Variants in TCF3 observed in about 807,000 individuals in gnomAD.
TCF3 encodes transcription factor E2-alpha.
TCF3 carries 54 observed loss-of-function variants against 72.3 expected under a neutral mutation model. The ratio of observed to expected loss-of-function variants is 0.75; its 90% CI spans 0.60 to 0.94. TCF3 has a LOEUF of 0.94. Among genes scored for constraint, TCF3 ranks in the 40% least tolerant of loss-of-function variants. The pLI is 0.00. For missense variants in TCF3, 1,078 were observed against 934.4 expected, an observed-to-expected ratio of 1.15 and a Z score of -2.00; for synonymous variants, 525 against 412.6, an observed-to-expected ratio of 1.27 and a Z score of -3.30.
intron 3 of TCF3, among the ~76,000 whole-genome samples, chr19:1,642,384 C>A (rs1046238182): frequency 6.6e-6 from 1 of 152,200 alleles, no homozygotes; most frequent in Non-Finnish European, 1.5e-5. Context: ...GCACCAATGT[C>A]GGCTTCCTAG....
chr19:1,638,474 G>A (rs1039919522), intron 3 of TCF3, among the ~76,000 whole-genome samples: 4 of 152,186 alleles, frequency 2.6e-5, no homozygotes, highest in East Asian at 3.9e-4. Flanking sequence ...TAACAGATAC[G>A]GCATTTCACC....
At chr19:1,638,524 C>G (rs1024783552) in intron 3 of TCF3, among the ~76,000 whole-genome samples, 3 of 152,164 alleles carry the variant, frequency 2.0e-5, no homozygotes, top group Non-Finnish European at 4.4e-5. Context: ...ACCTCATGAT[C>G]CGCTGGCCTC....
intron 8 of TCF3, 108 bp from the exon 9 acceptor site, chr19:1,622,523 G>A (rs553982296): frequency 1.1e-4 from 65 of 604,238 alleles, no homozygotes; most frequent in East Asian, 1.0e-3. Context: ...CTACCACCCC[G>A]TTTCCCTTCC....
intron 3 of TCF3, among the ~76,000 whole-genome samples, chr19:1,643,601 G>A (rs373656059): frequency 2.0e-5 from 3 of 151,616 alleles, no homozygotes; most frequent in African/African-American, 7.3e-5. Flanking sequence ...CTGCAGCCTT[G>A]ACCTCCTGGC....
At chr19:1,642,590 A>G (rs1190042091) in intron 3 of TCF3, among the ~76,000 whole-genome samples, 1 of 152,198 alleles carries the variant, frequency 6.6e-6, no homozygotes, top group Non-Finnish European at 1.5e-5. Flanking sequence ...TTCCGAGAAG[A>G]CCACCGCCCT....
intron 3 of TCF3, among the ~76,000 whole-genome samples, chr19:1,644,465 G>A (rs2065784309): frequency 6.6e-6 from 1 of 152,136 alleles, no homozygotes; most frequent in Admixed American, 6.5e-5. Context: ...CGTCCCTCAA[G>A]GGCAAAAAAT....
intron 16 of TCF3, among the ~76,000 whole-genome samples, chr19:1,616,893 C>T (rs1291784947): frequency 6.6e-6 from 1 of 150,802 alleles, no homozygotes; most frequent in African/African-American, 2.5e-5. Flanking sequence ...AAGACACCCA[C>T]CACAGATGTA....
rs190585553 is a variant in TCF3 at position 1,626,182 on chromosome 19, G to A, written c.367-474C>T. 3.3e-4 allele frequency among the ~76,000 whole-genome samples: 50 copies of A among 152,310 alleles called. 1 individual carries two copies. In the East Asian group the frequency reaches 6.4e-3, roughly 19 times the overall value. ...CATCCGTTCTAAGGCCGGGCACGGT[G>A]GCTCACACCTATTATCCCAGTACTT... is the stretch of plus-strand genomic sequence containing the variant. On this transcript the variant is annotated intron_variant, in intron 6 of 18. Coordinates refer to ENST00000262965, the MANE Select transcript of TCF3 (RefSeq NM_003200.5).
chr19:1,611,908 G>C, intron 18 of TCF3, 59 bp from the exon 19 acceptor site: 1 of 920,096 alleles, frequency 1.1e-6, no homozygotes, highest in Non-Finnish European at 1.5e-6. Flanking sequence ...AAGATGTGAG[G>C]TGGGAGTGGG....
intron 2 of TCF3, among the ~76,000 whole-genome samples, chr19:1,647,427 C>T (rs924539021): frequency 6.6e-6 from 1 of 152,258 alleles, no homozygotes; most frequent in South Asian, 2.1e-4. Flanking sequence ...GAAGGCACAG[C>T]GCCTGTGGCC....
chr19:1,647,259 C>T (rs2066265870), intron 2 of TCF3, among the ~76,000 whole-genome samples: 1 of 152,138 alleles, frequency 6.6e-6, no homozygotes, highest in African/African-American at 2.4e-5. Flanking sequence ...AACCCTTTTG[C>T]CACAGAAAAA....
At chr19:1,617,697 G>C (rs1467164288) in intron 16 of TCF3, among the ~76,000 whole-genome samples, 5 of 152,212 alleles carry the variant, frequency 3.3e-5, no homozygotes, top group Admixed American at 6.5e-5. Context: ...CGAAGTGAAG[G>C]ACAGGAAGGA....
chr19:1,648,003 C>T (rs1016579941), intron 2 of TCF3, among the ~76,000 whole-genome samples: 27 of 152,162 alleles, frequency 1.8e-4, no homozygotes, highest in African/African-American at 5.8e-4. Flanking sequence ...TTCCTGAAGC[C>T]CCTGACTCAG....
intron 18 of TCF3, among the ~76,000 whole-genome samples, chr19:1,612,672 T>C (rs1036986238): frequency 1.5e-4 from 22 of 149,796 alleles, no homozygotes; most frequent in African/African-American, 5.2e-4. Flanking sequence ...GCAGTGCAGG[T>C]ACACGGCTGG....
At chr19:1,646,613 C>T (rs187039062) in intron 2 of TCF3, among the ~76,000 whole-genome samples, 186 bp from the exon 3 acceptor site, 1 of 152,266 alleles carries the variant, frequency 6.6e-6, no homozygotes, top group Non-Finnish European at 1.5e-5. Context: ...CTCGCGTGCC[C>T]TCAAGTGACG....
At chr19:1,619,731 C>T in intron 14 of TCF3, 49 bp downstream of exon 14, 1 of 1,255,918 alleles carries the variant, frequency 8.0e-7, no homozygotes. Flanking sequence ...AGCGTCTGTC[C>T]TGCAAATTCT....
Position 1,613,253 on chromosome 19 carries a change from G to A in TCF3, c.1823-1404C>T, listed in dbSNP as rs530476542. 8.1e-4 allele frequency among the ~76,000 whole-genome samples: 124 copies of A among 152,296 alleles called. 1 individual carries two copies. The highest frequency in any genetic ancestry group is 2.6e-3 in the African/African-American group (108 of 41,568). On this transcript the variant is annotated intron_variant, in intron 18 of 18. Transcript: ENST00000262965. ...GAGCCCCATGGTGGGGCGCCTGTGTGTGTACGCGACTGGCTGCCCAGGTGC... is the reference window on the plus strand; with the variant it reads ...GAGCCCCATGGTGGGGCGCCTGTGTATGTACGCGACTGGCTGCCCAGGTGC...
At chr19:1,625,446 G>A (rs561615970) in intron 7 of TCF3, 130 bp downstream of exon 7, 6 of 1,227,652 alleles carry the variant, frequency 4.9e-6, no homozygotes, top group Admixed American at 4.1e-5. Flanking sequence ...CCGAGCGCCC[G>A]ACGTCCAGCC....
At chr19:1,637,685 G>A (rs902467000) in intron 3 of TCF3, among the ~76,000 whole-genome samples, 10 of 152,164 alleles carry the variant, frequency 6.6e-5, no homozygotes, top group Admixed American at 2.0e-4. Flanking sequence ...CAAGGCGGGC[G>A]GATCACGAGG....
Sources: allele counts gnomAD v4.1 joint callset (sites outside exome capture counted in the v4.1 genomes callset), GRCh38; gene constraint gnomAD v4.1.1; transcripts MANE v1.5; gene names NCBI Gene and HGNC (gene_info 2026-07-23, HGNC 2026-07-21).